Variants in TAFA2 observed in about 807,000 individuals in gnomAD.
The protein encoded by TAFA2 is TAFA chemokine like family member 2, also known as chemokine-like protein TAFA-2.
In TAFA2, 7 loss-of-function variants were observed where a neutral mutation model predicts 18.8. The ratio of observed to expected loss-of-function variants is 0.37; its 90% confidence interval spans 0.21 to 0.70. TAFA2 has a LOEUF of 0.70. Among genes scored for constraint, TAFA2 ranks in the 30% least tolerant of loss-of-function variants. The pLI is 0.53. For missense variants in TAFA2, 122 were observed against 158.1 expected, an observed-to-expected ratio of 0.77 and a Z score of 1.23; for synonymous variants, 60 against 54.2, an observed-to-expected ratio of 1.11 and a Z score of -0.47.
chr12:62,063,675 T>G (rs149700634), intron 1 of TAFA2, among the ~76,000 whole-genome samples: 1 of 152,194 alleles, frequency 6.6e-6, no homozygotes, highest in Non-Finnish European at 1.5e-5. Context: ...GTTATCCAAA[T>G]GAACACCAGG....
chr12:62,030,861 C>T (rs538818057), intron 1 of TAFA2, among the ~76,000 whole-genome samples: 1 of 152,156 alleles, frequency 6.6e-6, no homozygotes, highest in African/African-American at 2.4e-5. Context: ...AAAGGTAAGG[C>T]TTTGGGTTTC....
At chr12:61,986,671 C>T (rs1215155928) in intron 1 of TAFA2, among the ~76,000 whole-genome samples, 1 of 147,110 alleles carries the variant, frequency 6.8e-6, no homozygotes, top group Non-Finnish European at 1.5e-5. Flanking sequence ...AAAAAAAAAT[C>T]ACTTAAACTG....
intron 2 of TAFA2, among the ~76,000 whole-genome samples, chr12:61,805,016 G>A (rs184394438): frequency 6.6e-6 from 1 of 151,956 alleles, no homozygotes; most frequent in Admixed American, 6.6e-5. Context: ...TATTCATAAT[G>A]AACAACAAGC....
intron 1 of TAFA2, among the ~76,000 whole-genome samples, chr12:62,132,386 C>T (rs1201116956): frequency 6.6e-6 from 1 of 151,822 alleles, no homozygotes; most frequent in African/African-American, 2.4e-5. Context: ...AGTAACCAGG[C>T]AATACAGGTA....
At chr12:61,730,363 T>C (rs1244560700) in intron 4 of TAFA2, among the ~76,000 whole-genome samples, 1 of 152,056 alleles carries the variant, frequency 6.6e-6, no homozygotes, top group Non-Finnish European at 1.5e-5. Context: ...AAGGAGGTGG[T>C]GGTTTCAAGA....
chr12:61,904,178 G>A (rs1054780169), intron 1 of TAFA2, among the ~76,000 whole-genome samples: 21 of 151,952 alleles, frequency 1.4e-4, no homozygotes, highest in Non-Finnish European at 2.2e-4. Context: ...AGCTAGTGGT[G>A]GTGTTCTAAA....
intron 1 of TAFA2, among the ~76,000 whole-genome samples, chr12:61,989,954 C>T (rs963923559): frequency 4.6e-5 from 7 of 152,142 alleles, no homozygotes; most frequent in African/African-American, 1.7e-4. Context: ...GCACTCCTTA[C>T]AACTCAGTCT....
chr12:62,006,782 CT>C (rs1454498820), intron 1 of TAFA2, among the ~76,000 whole-genome samples: 1 of 152,162 alleles, frequency 6.6e-6, no homozygotes, highest in African/African-American at 2.4e-5. Flanking sequence ...AACCCATTTT[CT>C]ATCACAATTC....
intron 1 of TAFA2, among the ~76,000 whole-genome samples, chr12:62,210,508 G>A (rs2062708998): frequency 6.6e-6 from 1 of 152,088 alleles, no homozygotes; most frequent in African/African-American, 2.4e-5. Flanking sequence ...TATGCGCTTT[G>A]GCCACCCAGC....
At chr12:62,092,816 A>T (rs750009400) in intron 1 of TAFA2, among the ~76,000 whole-genome samples, 1 of 152,010 alleles carries the variant, frequency 6.6e-6, no homozygotes, top group Non-Finnish European at 1.5e-5. Flanking sequence ...ATATTCTATC[A>T]AGGAAAGAAG....
At chr12:62,157,055 G>C (rs1205879275) in intron 1 of TAFA2, among the ~76,000 whole-genome samples, 1 of 152,022 alleles carries the variant, frequency 6.6e-6, no homozygotes, top group African/African-American at 2.4e-5. Flanking sequence ...ATTTGCAAGT[G>C]ATAAAATTAA....
chr12:61,710,329 C>A lies in TAFA2; in HGVS notation c.*77G>T, dbSNP rs1346389613. The stretch of plus-strand genomic sequence containing the variant: ...CAAGTGGTATAAAAATCTTCAAGAT[C>A]ACCTCAGGAGTTGAGTTAAGTTTCT... On this transcript the variant is annotated 3_prime_UTR_variant, in exon 5 of 5. Transcript: ENST00000416284. The A allele has an allele frequency of 3.7e-6, 5 of 1,357,162 alleles. No individual in the cohort carries two copies. The highest frequency in any genetic ancestry group is 2.4e-5 in the South Asian group (2 of 84,336). The allele number at this position is 1,357,162 out of a possible 1,614,324, so 84.1% of individuals were successfully genotyped here.
chr12:61,963,419 T>C (rs1878958107), intron 1 of TAFA2, among the ~76,000 whole-genome samples: 1 of 151,982 alleles, frequency 6.6e-6, no homozygotes, highest in South Asian at 2.1e-4. Context: ...CTCATTGTGG[T>C]TTTGATTTGC....
chr12:62,150,121 C>A (rs1023929361), intron 1 of TAFA2, among the ~76,000 whole-genome samples: 5 of 152,132 alleles, frequency 3.3e-5, no homozygotes, highest in African/African-American at 1.2e-4. Context: ...CAATTACCAC[C>A]CAGTTCTTTT....
chr12:62,087,705 AT>A (rs35938009), intron 1 of TAFA2, among the ~76,000 whole-genome samples: 28,252 of 152,032 alleles, frequency 0.19, 2,882 homozygotes, highest in East Asian at 0.39. Context: ...AACTTGGAGG[AT>A]TTTTGAGCAG....
At chr12:61,769,230 A>T (rs1249124046) in intron 2 of TAFA2, among the ~76,000 whole-genome samples, 1 of 151,604 alleles carries the variant, frequency 6.6e-6, no homozygotes, top group Non-Finnish European at 1.5e-5. Context: ...ACCTAACCCT[A>T]CCTCCACCTG....
intron 1 of TAFA2, among the ~76,000 whole-genome samples, chr12:62,241,008 C>T (rs2062860389): frequency 6.6e-6 from 1 of 152,168 alleles, no homozygotes; most frequent in African/African-American, 2.4e-5. Flanking sequence ...TCCAGGAAAC[C>T]AGTCCCTGGT....
chr12:61,754,394 T>A (rs1397057773), intron 3 of TAFA2, among the ~76,000 whole-genome samples: 1 of 151,822 alleles, frequency 6.6e-6, no homozygotes, highest in Admixed American at 6.6e-5. Context: ...AGGAAAAAAA[T>A]TAATATATTA....
At position 61,786,782 on chromosome 12, in the gene TAFA2, A is replaced by G. The variant is rs192657584; in HGVS notation, c.107-31758T>C. On this transcript the variant is annotated intron_variant, in intron 2 of 4. Transcript: ENST00000416284. ...AAGGTTTTAATACTATACGTGAAAGAGTATAATATTAATAGAAGGTAATTA... is the reference window on the plus strand; with the variant it reads ...AAGGTTTTAATACTATACGTGAAAGGGTATAATATTAATAGAAGGTAATTA... Among the ~76,000 whole-genome samples, 141 of 151,712 alleles carry G rather than the reference A, an allele frequency of 9.3e-4. 1 individual carries two copies. The highest frequency in any genetic ancestry group is 3.3e-3 in the African/African-American group (135 of 41,494).
Sources: allele counts gnomAD v4.1 joint callset (sites outside exome capture counted in the v4.1 genomes callset), GRCh38; gene constraint gnomAD v4.1.1; transcripts MANE v1.5; gene names NCBI Gene and HGNC (gene_info 2026-07-23, HGNC 2026-07-21).